RALYL: variants seen among roughly 807,000 people sequenced by gnomAD.
The protein encoded by RALYL is RALY RNA binding protein like.
A neutral mutation model predicts 35.1 loss-of-function variants in RALYL; 29 were observed. That is an observed-to-expected ratio of 0.83 (90% CI 0.61 to 1.13). The LOEUF is 1.13. Among genes scored for constraint, RALYL ranks in the 50% most tolerant of loss-of-function variants. RALYL has a pLI of 0.00. For missense variants in RALYL, 359 were observed against 360.4 expected (o/e 1.00, Z 0.03); for synonymous variants, 120 against 127.6 (o/e 0.94, Z 0.40).
chr8:84,598,802 C>G (rs1280230317), intron 2 of RALYL, among the ~76,000 whole-genome samples: 1 of 152,064 alleles, frequency 6.6e-6, no homozygotes, highest in Non-Finnish European at 1.5e-5. Context: ...GCAGGTATCT[C>G]TTTAACATTT....
At chr8:84,798,597 C>A (rs923943427) in intron 3 of RALYL, among the ~76,000 whole-genome samples, 1 of 152,152 alleles carries the variant, frequency 6.6e-6, no homozygotes, top group African/African-American at 2.4e-5. Context: ...TACACTTAAG[C>A]CCTTTGGCAC....
intron 1 of RALYL, among the ~76,000 whole-genome samples, chr8:84,266,103 A>G (rs1011698851): frequency 2.6e-5 from 4 of 152,296 alleles, no homozygotes; most frequent in Middle Eastern, 3.4e-3. Context: ...CCTGGTTTCA[A>G]CTTACATTTA....
At position 84,721,676 on chromosome 8, in the gene RALYL, A is replaced by T. The variant is rs184021782; in HGVS notation, c.257-52903A>T. Among the ~76,000 whole-genome samples, 597 of 152,030 alleles carry T rather than the reference A, an allele frequency of 3.9e-3. 7 individuals carry two copies. Among genetic ancestry groups the T allele is most frequent in the African/African-American group, 0.013 (547 of 41,506 alleles). Reference sequence around the variant, plus strand: ...TAATCTCAGCAGTAACTCAGTGAATATTTTTTTTAACATCAACATCAGAAA... The same window carrying T: ...TAATCTCAGCAGTAACTCAGTGAATTTTTTTTTTAACATCAACATCAGAAA... On this transcript the variant is annotated intron_variant, in intron 2 of 8. Coordinates refer to ENST00000521268, the MANE Select transcript of RALYL (RefSeq NM_173848.7).
At chr8:84,298,338 G>A (rs1840152534) in intron 1 of RALYL, among the ~76,000 whole-genome samples, 1 of 151,932 alleles carries the variant, frequency 6.6e-6, no homozygotes, top group African/African-American at 2.4e-5. Context: ...ATGATCAGAT[G>A]GTTTTAGGTG....
chr8:84,459,877 G>C (rs1563967506), intron 1 of RALYL, among the ~76,000 whole-genome samples: 1 of 151,736 alleles, frequency 6.6e-6, no homozygotes, highest in Non-Finnish European at 1.5e-5. Context: ...TTAGGACACT[G>C]CTTCACATAT....
rs1374089337 is a variant in RALYL at position 84,563,300 on chromosome 8, AAAAC to A, written c.256+33734_256+33737del. Among the ~76,000 whole-genome samples the A allele has an allele frequency of 1.2e-4, 18 of 151,864 alleles. 1 individual carries two copies. Among genetic ancestry groups the A allele is most frequent in the Non-Finnish European group, 1.3e-4 (9 of 67,880 alleles). On this transcript the variant is annotated intron_variant, in intron 2 of 8. Coordinates refer to ENST00000521268, the MANE Select transcript of RALYL (RefSeq NM_173848.7). ...AAACATAAGCTCATGAGGAAACACA[AAAAC>A]AAACAAACAAGAAAACAATGCCATT...
intron 2 of RALYL, among the ~76,000 whole-genome samples, chr8:84,678,623 G>T (rs1834717494): frequency 6.6e-6 from 1 of 152,150 alleles, no homozygotes; most frequent in Non-Finnish European, 1.5e-5. Context: ...AAAGGAGGCT[G>T]CAAAAGGTCA....
chr8:84,655,666 T>G (rs1285542624), intron 2 of RALYL, among the ~76,000 whole-genome samples: 2 of 151,242 alleles, frequency 1.3e-5, no homozygotes, highest in Non-Finnish European at 1.5e-5. Flanking sequence ...TTTGAGCTCC[T>G]TATATTCTGA....
intron 1 of RALYL, among the ~76,000 whole-genome samples, chr8:84,456,281 C>T (rs1563962134): frequency 1.3e-5 from 2 of 151,982 alleles, no homozygotes; most frequent in South Asian, 2.1e-4. Context: ...TATGCCTTTT[C>T]TAAGCACTGC....
intron 8 of RALYL, among the ~76,000 whole-genome samples, chr8:84,897,986 T>C (rs913053303): frequency 6.6e-6 from 1 of 152,176 alleles, no homozygotes; most frequent in East Asian, 1.9e-4. Context: ...TGTAACATTG[T>C]AGTTGGTTCT....
chr8:84,914,342 C>G (rs1323140942), intron 8 of RALYL, among the ~76,000 whole-genome samples: 1 of 151,950 alleles, frequency 6.6e-6, no homozygotes, highest in East Asian at 1.9e-4. Flanking sequence ...TTTTTAGACA[C>G]TACATAATTA....
chr8:84,631,637 G>A (rs918991434), intron 2 of RALYL, among the ~76,000 whole-genome samples: 27 of 151,848 alleles, frequency 1.8e-4, no homozygotes, highest in African/African-American at 5.8e-4. Context: ...GTACATAAGT[G>A]TAGACTGAGG....
At chr8:84,887,948 A>G (rs181514813) in intron 8 of RALYL, among the ~76,000 whole-genome samples, 172 bp downstream of exon 8, 1 of 152,358 alleles carries the variant, frequency 6.6e-6, no homozygotes, top group South Asian at 2.1e-4. Flanking sequence ...TCAATACTTT[A>G]TTGCTAACTT....
chr8:84,808,976 A>G (rs1197276648), intron 4 of RALYL, among the ~76,000 whole-genome samples: 1 of 152,052 alleles, frequency 6.6e-6, no homozygotes, highest in Non-Finnish European at 1.5e-5. Context: ...CTTCCTCTTT[A>G]TCAATTTAGA....
chr8:84,443,263 G>A (rs965864466), intron 1 of RALYL, among the ~76,000 whole-genome samples: 2 of 152,092 alleles, frequency 1.3e-5, no homozygotes, highest in Admixed American at 1.3e-4. Flanking sequence ...GTCTTTTTCT[G>A]CAGTAAGGAA....
chr8:84,374,933 T>A (rs2131508244), intron 1 of RALYL, among the ~76,000 whole-genome samples: 1 of 151,980 alleles, frequency 6.6e-6, no homozygotes, highest in African/African-American at 2.4e-5. Context: ...AGTGGAATCA[T>A]TTTGCTTGTG....
chr8:84,489,915 G>T (rs1397490303), intron 1 of RALYL, among the ~76,000 whole-genome samples: 1 of 152,074 alleles, frequency 6.6e-6, no homozygotes, highest in South Asian at 2.1e-4. Context: ...CAAGAAACAG[G>T]CCGAATTAGG....
intron 1 of RALYL, among the ~76,000 whole-genome samples, chr8:84,462,457 A>C (rs1485827378): frequency 6.6e-6 from 1 of 150,780 alleles, no homozygotes; most frequent in African/African-American, 2.4e-5. Flanking sequence ...AAAAAAAGGC[A>C]GTTTGACCTT....
intron 2 of RALYL, among the ~76,000 whole-genome samples, chr8:84,640,403 A>G (rs540084457): frequency 1.4e-4 from 21 of 152,148 alleles, no homozygotes; most frequent in Middle Eastern, 3.4e-3. Flanking sequence ...CATTTACATA[A>G]CCTGAAAATT....
Sources: allele counts gnomAD v4.1 joint callset (sites outside exome capture counted in the v4.1 genomes callset), GRCh38; gene constraint gnomAD v4.1.1; transcripts MANE v1.5; gene names NCBI Gene and HGNC (gene_info 2026-07-23, HGNC 2026-07-21).